Variants in ZNF621 observed in about 807,000 individuals in gnomAD.
ZNF621 encodes the protein zinc finger protein 621.
A neutral mutation model predicts 12.7 loss-of-function variants in ZNF621; 6 were observed. That is an observed-to-expected ratio of 0.47 (90% CI 0.26 to 0.93). The LOEUF (loss-of-function observed/expected upper bound fraction) is 0.93. ZNF621 is among the 40% of genes least tolerant of loss of function. The pLI is 0.15. For synonymous variants in ZNF621, 156 were observed against 190.3 expected, an observed-to-expected ratio of 0.82 and a Z score of 1.48; for missense variants, 474 against 524.0, an observed-to-expected ratio of 0.90 and a Z score of 0.93.
At position 40,533,232 on chromosome 3, in the gene ZNF621, C is replaced by T; in HGVS notation, c.*142C>T. On this transcript the variant is annotated 3_prime_UTR_variant, in exon 5 of 5. Transcript: ENST00000339296. ...CTTGGCTCACTGCAACCTCCCCCTC[C>T]TGGGTTCAAGCGATTCTCCTCCTTC... 7.3e-7 allele frequency: 1 copy of T among 1,361,074 alleles called. No individual in the cohort carries two copies. 84.3% of individuals were successfully genotyped at this position (1,361,074 alleles called of 1,614,324 possible). A position where few individuals can be genotyped will look rare whatever the true frequency, so the allele number is the denominator to read the frequency against.
Position 40,533,235 on chromosome 3 carries a change from G to T in ZNF621, c.*145G>T. The T allele has an allele frequency of 1.5e-6, 2 of 1,319,026 alleles. No individual in the cohort carries two copies. The highest frequency in any genetic ancestry group is 2.0e-6 in the Non-Finnish European group (2 of 993,838). 81.7% of individuals were successfully genotyped at this position (1,319,026 alleles called of 1,614,324 possible). A position where few individuals can be genotyped will look rare whatever the true frequency, so the allele number is the denominator to read the frequency against. ...GGCTCACTGCAACCTCCCCCTCCTG[G>T]GTTCAAGCGATTCTCCTCCTTCAGA... On this transcript the variant is annotated 3_prime_UTR_variant, in exon 5 of 5. Transcript: ENST00000339296.
At position 40,533,279 on chromosome 3, in the gene ZNF621, T is replaced by C; in HGVS notation, c.*189T>C. 1 of 953,014 alleles carries C rather than the reference T, an allele frequency of 1.0e-6. No individual in the cohort carries two copies. The highest frequency in any genetic ancestry group is 1.5e-6 in the Non-Finnish European group (1 of 669,574). 59.0% of individuals were successfully genotyped at this position (953,014 alleles called of 1,614,324 possible). A position where few individuals can be genotyped will look rare whatever the true frequency, so the allele number is the denominator to read the frequency against. The stretch of plus-strand genomic sequence containing the variant: ...CTTCAGACTCTCGAATAGCTGGGAT[T>C]ACAGGCACGCCTCACCACGCCCAGC... On this transcript the variant is annotated 3_prime_UTR_variant, in exon 5 of 5. Coordinates refer to ENST00000339296, the MANE Select transcript of ZNF621 (RefSeq NM_198484.5).
rs533098224 is a variant in ZNF621 at position 40,535,201 on chromosome 3, T to C, written c.*2111T>C. 4 of 152,382 alleles carry C rather than the reference T, an allele frequency of 2.6e-5. No individual in the cohort carries two copies. The highest frequency in any genetic ancestry group is 2.0e-4 in the Admixed American group (3 of 15,298). 9.4% of individuals were successfully genotyped at this position (152,382 alleles called of 1,614,324 possible). On this transcript the variant is annotated 3_prime_UTR_variant, in exon 5 of 5. Transcript: ENST00000339296. ...TCGGAAGGGCTGTGGCCACCTCGTT[T>C]CGCCCATCTACTTTTCACCTTGCCG...
In ZNF621 at chr3:40,528,391, C is replaced by G. The variant is rs549618940; in HGVS notation, c.25-928C>G. Among the ~76,000 whole-genome samples the G allele has an allele frequency of 8.7e-4, 133 of 152,286 alleles. 1 individual carries two copies. The highest frequency in any genetic ancestry group is 3.0e-3 in the African/African-American group (126 of 41,552). ...TATATACTACAGCTTATCCATTCAC[C>G]TACTGAAGGACATCTCGGTTGCTTC... is the stretch of plus-strand genomic sequence containing the variant. On this transcript the variant is annotated intron_variant, in intron 2 of 4. Coordinates refer to ENST00000339296, the MANE Select transcript of ZNF621 (RefSeq NM_198484.5).
At chr3:40,525,747 G>A in intron 1 of ZNF621, 32 bp from the exon 2 acceptor site, 1 of 1,581,028 alleles carries the variant, frequency 6.3e-7, no homozygotes, top group Non-Finnish European at 8.7e-7. Flanking sequence ...GGACGACAGG[G>A]TCCTTAGCAC....
At position 40,529,382 on chromosome 3, in the gene ZNF621, C is replaced by T; in HGVS notation, c.88C>T (p.Pro30Ser). ...CCAGAATCAATGGGCCAGCCTCGAC[C>T]CTGCGCAGAGGGCCCTGTACGGGGA... is the stretch of plus-strand genomic sequence containing the variant. ...FTQNQWASLD[P>S]AQRALYGEVM... The change falls in exon 3 of 5, where the codon CCT becomes TCT. Residue 30 changes from proline to serine, a missense_variant. Pro to Ser is a moderately conservative substitution (Grantham distance 74). Coordinates refer to ENST00000339296, the MANE Select transcript of ZNF621 (RefSeq NM_198484.5). The T allele has an allele frequency of 6.2e-7, 1 of 1,613,948 alleles. No individual in the cohort carries two copies. Among genetic ancestry groups the T allele is most frequent in the South Asian group, 1.1e-5 (1 of 91,088 alleles).
intron 2 of ZNF621, among the ~76,000 whole-genome samples, chr3:40,528,361 G>C (rs1377574038): frequency 6.6e-6 from 1 of 152,028 alleles, no homozygotes; most frequent in Non-Finnish European, 1.5e-5. Flanking sequence ...ATATTCCATT[G>C]TCTATATATA....
rs1353899322 is a variant in ZNF621 at position 40,535,095 on chromosome 3, G to A, written c.*2005G>A. On this transcript the variant is annotated 3_prime_UTR_variant, in exon 5 of 5. Coordinates refer to ENST00000339296, the MANE Select transcript of ZNF621 (RefSeq NM_198484.5). Reference sequence around the variant, plus strand: ...AGCTGATGGTTATGTTTCTGCCTTCGGCGAGAGAACAGCAAGCTCCAGAAA... The same window carrying A: ...AGCTGATGGTTATGTTTCTGCCTTCAGCGAGAGAACAGCAAGCTCCAGAAA... 1 of 152,164 alleles carries A rather than the reference G, an allele frequency of 6.6e-6. No individual in the cohort carries two copies. The highest frequency in any genetic ancestry group is 2.4e-5 in the African/African-American group (1 of 41,436). The allele number at this position is 152,164 out of a possible 1,614,324, so 9.4% of individuals were successfully genotyped here.
Position 40,532,045 on chromosome 3 carries a change from TC to T in ZNF621, c.276del (p.Asn94MetfsTer4), listed in dbSNP as rs1430196030. On this transcript the variant is annotated frameshift_variant, in exon 5 of 5. Coordinates refer to ENST00000339296, the MANE Select transcript of ZNF621 (RefSeq NM_198484.5). LOFTEE classifies it low-confidence loss of function (END_TRUNC). ...CTTTGGTCAGGTGGTGAGTCCTGGA[TC>T]AAAAATGAAGGGCTAGTTATAAAGC... ...RGISQGGESW[I>X]KNEGLVIKQE... The T allele has an allele frequency of 6.2e-7, 1 of 1,611,632 alleles. No individual in the cohort carries two copies. The highest frequency in any genetic ancestry group is 8.5e-7 in the Non-Finnish European group (1 of 1,179,014).
rs1440900518 is a variant in ZNF621, at chr3:40,535,668, C to T, written c.*2578C>T. The T allele has an allele frequency of 6.6e-6, 1 of 152,124 alleles. No homozygotes were observed. Among genetic ancestry groups the T allele is most frequent in the Non-Finnish European group, 1.5e-5 (1 of 68,032 alleles). 9.4% of individuals were successfully genotyped at this position (152,124 alleles called of 1,614,324 possible). The stretch of plus-strand genomic sequence containing the variant: ...TGGTTATATATGTATGTCCAAGTTG[C>T]AGGGGCTTCTGGGAAATACAGGTTT... On this transcript the variant is annotated 3_prime_UTR_variant, in exon 5 of 5. Transcript: ENST00000339296.
At chr3:40,523,195 A>G (rs1698496520), upstream of ZNF621, among the ~76,000 whole-genome samples, 1 of 151,974 alleles carries the variant, frequency 6.6e-6, no homozygotes, top group South Asian at 2.1e-4. Flanking sequence ...TTTTGTTTTC[A>G]GCCATAAGGT....
intron 3 of ZNF621, 69 bp from the exon 4 acceptor site, chr3:40,530,140 G>A: frequency 7.5e-7 from 1 of 1,339,124 alleles, no homozygotes; most frequent in Non-Finnish European, 1.1e-6. Context: ...TGGAGGGTGG[G>A]CTGAGAAAGA....
rs1270667004 is a variant in ZNF621, at chr3:40,529,178, G to A, written c.25-141G>A. The A allele has an allele frequency of 3.1e-6, 3 of 962,498 alleles. No individual in the cohort carries two copies. The East Asian group carries it at 8.2e-5, about 26-fold the overall frequency. The allele number at this position is 962,498 out of a possible 1,614,324, so 59.6% of individuals were successfully genotyped here. A position where few individuals can be genotyped will look rare whatever the true frequency, so the allele number is the denominator to read the frequency against. On this transcript the variant is annotated intron_variant, in intron 2 of 4. Coordinates refer to ENST00000339296, the MANE Select transcript of ZNF621 (RefSeq NM_198484.5). Reference sequence around the variant, plus strand: ...TGAGGGCTCGCCCCTGGCTGTGGTGGTGGGTGTTCTTGTTGAGCAGACCTT... The same window carrying A: ...TGAGGGCTCGCCCCTGGCTGTGGTGATGGGTGTTCTTGTTGAGCAGACCTT...
chr3:40,532,872 GTTC>G lies in ZNF621; in HGVS notation c.1107_1109del (p.Leu370del), dbSNP rs1423029336. 4 of 1,609,750 alleles carry G rather than the reference GTTC, an allele frequency of 2.5e-6. No homozygotes were observed. Among genetic ancestry groups the G allele is most frequent in the Non-Finnish European group, 3.4e-6 (4 of 1,177,768 alleles). On this transcript the variant is annotated inframe_deletion, in exon 5 of 5. Coordinates refer to ENST00000339296, the MANE Select transcript of ZNF621 (RefSeq NM_198484.5). ...GTGCTCCTCTCCAGCCATACCTCCT[GTTC>G]TTCTCCAGGGATCCTGTTCTGCTTC...
chr3:40,539,269 C>G lies in ZNF621; in HGVS notation c.*6179C>G, dbSNP rs981860742. On this transcript the variant is annotated 3_prime_UTR_variant, in exon 5 of 5. Transcript: ENST00000339296. ...AGGAAGAGTCAGTTGATGTTGCAGC[C>G]TTCCTTGTTGTCTCATTTAAAGAAA... The G allele has an allele frequency of 6.6e-6, 1 of 152,344 alleles. No individual in the cohort carries two copies. Among genetic ancestry groups the G allele is most frequent in the East Asian group, 1.9e-4 (1 of 5,224 alleles). 9.4% of individuals were successfully genotyped at this position (152,344 alleles called of 1,614,324 possible). A position where few individuals can be genotyped will look rare whatever the true frequency, so the allele number is the denominator to read the frequency against.
At chr3:40,526,328 G>A (rs916664886) in intron 2 of ZNF621, among the ~76,000 whole-genome samples, 1 of 152,094 alleles carries the variant, frequency 6.6e-6, no homozygotes, top group Non-Finnish European at 1.5e-5. Context: ...GCGCCGCCAC[G>A]TGTGGCTAAT....
In ZNF621 at chr3:40,529,322, T is replaced by G. The variant is rs1698661617; in HGVS notation, c.28T>G (p.Ser10Ala). ...GAGCAGGAACCTGTTGTTTCAGGAGTCAGTGACCTTTGAGGATGTGGCTGT... is the reference window on the plus strand; with the variant it reads ...GAGCAGGAACCTGTTGTTTCAGGAGGCAGTGACCTTTGAGGATGTGGCTGT... Reference protein sequence around the residue: MLQTTWPQESVTFEDVAVYF... With the variant: MLQTTWPQEAVTFEDVAVYF... The change falls in exon 3 of 5, where the codon TCA (serine) becomes GCA (alanine). Residue 10 changes from serine to alanine, a missense_variant. Physicochemically the swap from Ser to Ala is moderately conservative, Grantham distance 99. Transcript: ENST00000339296. 2 of 1,613,112 alleles carry G rather than the reference T, an allele frequency of 1.2e-6. No homozygotes were observed. The highest frequency in any genetic ancestry group is 1.7e-6 in the Non-Finnish European group (2 of 1,179,374).
chr3:40,529,809 A>G (rs1698678401), intron 3 of ZNF621, among the ~76,000 whole-genome samples: 1 of 151,974 alleles, frequency 6.6e-6, no homozygotes, highest in African/African-American at 2.4e-5. Flanking sequence ...TTGAAATTAG[A>G]CTTCCTTATA....
Position 40,532,773 on chromosome 3 carries a change from G to A in ZNF621, c.1003G>A (p.Val335Ile). 8.1e-6 allele frequency: 13 copies of A among 1,614,166 alleles called. No homozygotes were observed. The highest frequency in any genetic ancestry group is 1.1e-5 in the Non-Finnish European group (13 of 1,180,042). Residue 335 changes from valine to isoleucine, a missense_variant, in exon 5 of 5, where the codon GTT becomes ATT. Transcript: ENST00000339296. ...AGCCTTCAAATGGTATGGAAGTTTT[G>A]TTCAGCATCAGAAATTGCACCCTGT... ...GKAFKWYGSF[V>I]QHQKLHPVEK...
Sources: gnomAD v4.1 joint callset for allele counts (sites outside exome capture counted in the v4.1 genomes callset) on GRCh38, gnomAD v4.1.1 for gene constraint, MANE v1.5 for transcripts, NCBI Gene and HGNC (gene_info 2026-07-23, HGNC 2026-07-21) for gene names.